PPFIBP1: variants seen among roughly 807,000 people sequenced by gnomAD.
PPFIBP1 encodes the protein liprin-beta-1.
A neutral mutation model predicts 137.8 loss-of-function variants in PPFIBP1; 112 were observed. The observed-to-expected ratio is 0.81, with a 90% CI of 0.70 to 0.95. PPFIBP1 has a LOEUF of 0.95. PPFIBP1 is among the 40% of genes least tolerant of loss of function. The pLI is 0.00. For missense variants in PPFIBP1, 1,083 were observed against 1,196.6 expected (o/e 0.91, Z 1.40); for synonymous variants, 378 against 417.3 (o/e 0.91, Z 1.15).
intron 2 of PPFIBP1, among the ~76,000 whole-genome samples, chr12:27,629,700 T>C (rs2057126470): frequency 6.6e-6 from 1 of 152,220 alleles, no homozygotes; most frequent in Non-Finnish European, 1.5e-5. Context: ...GGGGATTTTC[T>C]AAAGCTTTTT....
intron 2 of PPFIBP1, among the ~76,000 whole-genome samples, chr12:27,626,522 C>T (rs2056830831): frequency 6.6e-6 from 1 of 151,826 alleles, no homozygotes; most frequent in South Asian, 2.1e-4. Flanking sequence ...GGGCCTGCCT[C>T]TGGTGTTTCT....
intron 2 of PPFIBP1, among the ~76,000 whole-genome samples, chr12:27,617,096 C>A (rs2055842481): frequency 1.3e-5 from 2 of 152,072 alleles, no homozygotes; most frequent in Non-Finnish European, 2.9e-5. Context: ...CTCTATTATT[C>A]TTTAACGGAG....
chr12:27,666,584 A>C (rs1226645787), intron 12 of PPFIBP1, among the ~76,000 whole-genome samples: 3 of 152,196 alleles, frequency 2.0e-5, no homozygotes, highest in Non-Finnish European at 4.4e-5. Flanking sequence ...AAAATTCTCA[A>C]GTTTGCAGCT....
chr12:27,571,594 A>G (rs2050153911), intron 1 of PPFIBP1, among the ~76,000 whole-genome samples: 1 of 152,218 alleles, frequency 6.6e-6, no homozygotes, highest in African/African-American at 2.4e-5. Flanking sequence ...TTGCTGGGTC[A>G]GTAATGATAG....
rs533189829 is a variant in PPFIBP1, at chr12:27,661,439, A to G, written c.906+494A>G. Among the ~76,000 whole-genome samples the G allele has an allele frequency of 8.6e-5, 13 of 151,002 alleles. No homozygotes were observed. The Admixed American group carries it at 8.6e-4, about 10-fold the overall frequency. The stretch of plus-strand genomic sequence containing the variant: ...AAAACAGCGGCATGGGCTTTACGTT[A>G]GCTACACTGGCTGCATTCCAAGGTT... On this transcript the variant is annotated intron_variant, in intron 11 of 29. Transcript: ENST00000228425.
At chr12:27,581,386 A>C (rs1342066777) in intron 2 of PPFIBP1, among the ~76,000 whole-genome samples, 10 of 152,200 alleles carry the variant, frequency 6.6e-5, no homozygotes, top group Non-Finnish European at 1.5e-5. Context: ...GGTGGGAGCC[A>C]CTTGTCCAGC....
At chr12:27,686,381 C>T (rs991978112) in intron 24 of PPFIBP1, among the ~76,000 whole-genome samples, 1 of 152,260 alleles carries the variant, frequency 6.6e-6, no homozygotes, top group South Asian at 2.1e-4. Context: ...CTCCCAATAT[C>T]ACCTTCTTCT....
At chr12:27,579,330 G>A (rs765915249) in intron 2 of PPFIBP1, among the ~76,000 whole-genome samples, 1 of 152,328 alleles carries the variant, frequency 6.6e-6, no homozygotes, top group South Asian at 2.1e-4. Context: ...GTAGAGGAAA[G>A]TGCACACATC....
chr12:27,685,718 T>C (rs989131651), intron 24 of PPFIBP1, among the ~76,000 whole-genome samples: 1 of 152,200 alleles, frequency 6.6e-6, no homozygotes, highest in African/African-American at 2.4e-5. Context: ...GAAATGTGAA[T>C]AAAGTCTGCA....
intron 2 of PPFIBP1, among the ~76,000 whole-genome samples, chr12:27,627,013 T>C (rs566042760): frequency 6.6e-6 from 1 of 152,184 alleles, no homozygotes; most frequent in Non-Finnish European, 1.5e-5. Context: ...ATGGGGTACA[T>C]GAGATATTTT....
At chr12:27,590,162 T>C (rs2137246302) in intron 2 of PPFIBP1, among the ~76,000 whole-genome samples, 1 of 150,702 alleles carries the variant, frequency 6.6e-6, no homozygotes, top group Non-Finnish European at 1.5e-5. Context: ...TACTAAATGC[T>C]GTGTTAGGAT....
chr12:27,535,958 A>C (rs66549670), intron 1 of PPFIBP1, among the ~76,000 whole-genome samples: 4 of 152,126 alleles, frequency 2.6e-5, no homozygotes, highest in Admixed American at 1.3e-4. Context: ...CATTTTCAGC[A>C]TAAGTGGTTG....
chr12:27,586,799 A>G (rs2051813187), intron 2 of PPFIBP1, among the ~76,000 whole-genome samples: 1 of 152,158 alleles, frequency 6.6e-6, no homozygotes, highest in Non-Finnish European at 1.5e-5. Context: ...CTTGTTAGGT[A>G]GGAAGAAGCA....
chr12:27,692,162 G>T (rs985929099), intron 28 of PPFIBP1, among the ~76,000 whole-genome samples: 10 of 152,080 alleles, frequency 6.6e-5, no homozygotes, highest in African/African-American at 2.2e-4. Context: ...TCTCATTTTG[G>T]AGATAAGGAA....
intron 2 of PPFIBP1, among the ~76,000 whole-genome samples, chr12:27,609,363 G>C (rs2054851415): frequency 6.6e-6 from 1 of 152,070 alleles, no homozygotes; most frequent in African/African-American, 2.4e-5. Context: ...AGTACCACAG[G>C]CTGGCCTCAT....
chr12:27,653,100 A>G (rs2058977542), intron 7 of PPFIBP1, among the ~76,000 whole-genome samples: 1 of 150,588 alleles, frequency 6.6e-6, no homozygotes, highest in Non-Finnish European at 1.5e-5. Context: ...GGGAAGTGTT[A>G]TTTTATTGTA....
chr12:27,612,328 G>GTTTTTTTTTTTTTTTT (rs1173958726), intron 2 of PPFIBP1, among the ~76,000 whole-genome samples: 1 of 87,236 alleles, frequency 1.1e-5, no homozygotes, highest in Admixed American at 1.3e-4. Context: ...CTTTATTGGT[G>GTTTTTTTTTTTTTTTT]TTTTTTTTTT....
Position 27,693,039 on chromosome 12 carries a change from G to A in PPFIBP1, c.*157G>A, listed in dbSNP as rs1228985960. The A allele has an allele frequency of 1.2e-5, 15 of 1,214,894 alleles. No individual in the cohort carries two copies. Among genetic ancestry groups the A allele is most frequent in the Admixed American group, 6.6e-5 (2 of 30,518 alleles). The allele number at this position is 1,214,894 out of a possible 1,614,324, so 75.3% of individuals were successfully genotyped here. On this transcript the variant is annotated 3_prime_UTR_variant, in exon 30 of 30. Coordinates refer to ENST00000228425, the MANE Select transcript of PPFIBP1 (RefSeq NM_003622.4). ...AAACAGAAAGCAGGAGTAATGTGCC[G>A]ATTCTGAAGTTGCCACAAAAAATAA...
Position 27,676,599 on chromosome 12 carries a change from G to T in PPFIBP1, c.1582G>T (p.Asp528Tyr), listed in dbSNP as rs1311747335. 1 of 1,568,284 alleles carries T rather than the reference G, an allele frequency of 6.4e-7. No homozygotes were observed. The highest frequency in any genetic ancestry group is 8.7e-7 in the Non-Finnish European group (1 of 1,154,664). ...NKRTASAPNL[D>Y]RKRSASAPTL... ...GAGAACAGCAAGTGCACCAAACTTA[G>T]GTACGTATGACCAAAATGCCTTTGC... The change falls in exon 18 of 30, where the codon GAT (aspartate) becomes TAT (tyrosine). Residue 528 changes from aspartate (D) to tyrosine (Y), a missense_variant and splice_region_variant. Coordinates refer to ENST00000228425, the MANE Select transcript of PPFIBP1 (RefSeq NM_003622.4).
Sources: allele counts gnomAD v4.1 joint callset (sites outside exome capture counted in the v4.1 genomes callset), GRCh38; gene constraint gnomAD v4.1.1; transcripts MANE v1.5; gene names NCBI Gene and HGNC (gene_info 2026-07-23, HGNC 2026-07-21).